BCKDHB: variants seen among roughly 807,000 people sequenced by gnomAD.
BCKDHB encodes the protein branched chain keto acid dehydrogenase E1 subunit beta.
In BCKDHB, 41 loss-of-function variants were observed where a neutral mutation model predicts 48.5. The ratio of observed to expected loss-of-function variants is 0.85; its 90% CI spans 0.66 to 1.10. BCKDHB has a LOEUF of 1.10. Ranked by LOEUF, BCKDHB falls within the 50% of genes least tolerant of loss-of-function variation. BCKDHB has a pLI of 0.00. For missense variants in BCKDHB, 496 were observed against 494.2 expected (o/e 1.00, Z -0.03); for synonymous variants, 201 against 174.8 (o/e 1.15, Z -1.18).
At chr6:80,255,370 A>G (rs896604895) in intron 8 of BCKDHB, among the ~76,000 whole-genome samples, 1 of 152,232 alleles carries the variant, frequency 6.6e-6, no homozygotes, top group Non-Finnish European at 1.5e-5. Flanking sequence ...GACTTTTCAT[A>G]ATTCATTCCT....
chr6:80,217,488 GT>G (rs766279327), intron 8 of BCKDHB, among the ~76,000 whole-genome samples: 1 of 152,104 alleles, frequency 6.6e-6, no homozygotes, highest in Non-Finnish European at 1.5e-5. Flanking sequence ...TATCATTACA[GT>G]TTTTTCTGTA....
At position 80,320,586 on chromosome 6, in the gene BCKDHB, C is replaced by T. The variant is rs192754871; in HGVS notation, c.1039-23078C>T. ...TAAGTATCCAGAGTTCACAATTCAG[C>T]GACCGTTTCCAGGGTGGAGGCCTGT... On this transcript the variant is annotated intron_variant, in intron 9 of 9. Transcript: ENST00000320393. 1.3e-4 allele frequency among the ~76,000 whole-genome samples: 20 copies of T among 152,260 alleles called. No individual in the cohort carries two copies. The East Asian group carries it at 3.1e-3, about 23-fold the overall frequency.
chr6:80,359,582 G>A, the BCKDHB span, among the ~76,000 whole-genome samples: 56 of 149,834 alleles, frequency 3.7e-4, no homozygotes, highest in African/African-American at 1.3e-3. Context: ...TAATACGCTT[G>A]TTTCTTATTG....
intron 1 of BCKDHB, among the ~76,000 whole-genome samples, chr6:80,122,835 A>G (rs1770101367): frequency 6.6e-6 from 1 of 152,076 alleles, no homozygotes; most frequent in African/African-American, 2.4e-5. Context: ...CTGACCACAA[A>G]TTTACCAGCT....
chr6:80,430,393 G>A, the BCKDHB span, among the ~76,000 whole-genome samples: 1 of 152,124 alleles, frequency 6.6e-6, no homozygotes, highest in Non-Finnish European at 1.5e-5. Context: ...GAGTTATGGA[G>A]GATTTGCTTT....
intron 9 of BCKDHB, among the ~76,000 whole-genome samples, chr6:80,287,560 C>T (rs115795070): frequency 0.014 from 2,143 of 151,724 alleles, 35 homozygotes; most frequent in African/African-American, 0.048. Context: ...AAAAATTAGG[C>T]GTGCAGACAC....
intron 8 of BCKDHB, among the ~76,000 whole-genome samples, chr6:80,245,777 T>G (rs993646882): frequency 2.0e-5 from 3 of 152,004 alleles, no homozygotes; most frequent in African/African-American, 7.2e-5. Flanking sequence ...TATTATCCAG[T>G]TAGAAATAAA....
chr6:80,373,440 T>C, the BCKDHB span, among the ~76,000 whole-genome samples: 1 of 152,242 alleles, frequency 6.6e-6, no homozygotes. Flanking sequence ...TTTGTTGTTG[T>C]TGTTTAAATT....
At chr6:80,361,403 G>A in the BCKDHB span, among the ~76,000 whole-genome samples, 1 of 152,208 alleles carries the variant, frequency 6.6e-6, no homozygotes, top group Non-Finnish European at 1.5e-5. Flanking sequence ...ATCTCTAGTA[G>A]AGTACATTTG....
At chr6:80,201,061 C>T in intron 7 of BCKDHB, 30 bp downstream of exon 7, 1 of 1,521,428 alleles carries the variant, frequency 6.6e-7, no homozygotes, top group Non-Finnish European at 9.1e-7. Context: ...ACTGTTAAAA[C>T]CTACGTTGTG....
chr6:80,343,632 C>A (rs549908232), intron 9 of BCKDHB, 32 bp from the exon 10 acceptor site: 1 of 1,612,924 alleles, frequency 6.2e-7, no homozygotes, highest in African/African-American at 1.3e-5. Flanking sequence ...AAAAAAAATT[C>A]TTGAAGTTAA....
the BCKDHB span, among the ~76,000 whole-genome samples, chr6:80,411,464 C>T: frequency 3.2e-4 from 48 of 152,322 alleles, no homozygotes; most frequent in Admixed American, 1.1e-3. Flanking sequence ...AGAGCTCAAA[C>T]GCTGTGCTGG....
chr6:80,439,145 A>G, the BCKDHB span, among the ~76,000 whole-genome samples: 2 of 152,182 alleles, frequency 1.3e-5, no homozygotes, highest in African/African-American at 2.4e-5. Context: ...CTCACATTCT[A>G]TTAACCAGAA....
chr6:80,436,689 T>C, the BCKDHB span, among the ~76,000 whole-genome samples: 1 of 152,328 alleles, frequency 6.6e-6, no homozygotes, highest in African/African-American at 2.4e-5. Context: ...GTATTACTTA[T>C]AGTGCTTTTC....
chr6:80,209,298 G>C (rs566758357), intron 8 of BCKDHB, among the ~76,000 whole-genome samples: 6 of 151,770 alleles, frequency 4.0e-5, no homozygotes, highest in Non-Finnish European at 8.8e-5. Context: ...ACTTTACACA[G>C]AAAATCACAG....
intron 8 of BCKDHB, among the ~76,000 whole-genome samples, chr6:80,243,463 G>C (rs1443289156): frequency 1.3e-5 from 2 of 152,162 alleles, no homozygotes; most frequent in African/African-American, 4.8e-5. Flanking sequence ...CTAATGTCTG[G>C]ATAAAACTAT....
chr6:80,459,116 A>T, the BCKDHB span, among the ~76,000 whole-genome samples: 1 of 152,152 alleles, frequency 6.6e-6, no homozygotes, highest in African/African-American at 2.4e-5. Context: ...GGATCCAGTG[A>T]TCTCACTTCT....
At chr6:80,176,957 G>A (rs538161556) in intron 6 of BCKDHB, among the ~76,000 whole-genome samples, 2 of 152,280 alleles carry the variant, frequency 1.3e-5, no homozygotes, top group Admixed American at 1.3e-4. Context: ...ACGTGTGGTA[G>A]CTCATGCCTG....
rs966187156 is a variant in BCKDHB at position 80,303,544 on chromosome 6, G to T, written c.1038+30323G>T. Among the ~76,000 whole-genome samples the T allele has an allele frequency of 2.0e-5, 3 of 152,020 alleles. No homozygotes were observed. The East Asian group carries it at 5.8e-4, about 29-fold the overall frequency. ...AAGCTTCTGCATAAGAGCCAGAAAG[G>T]ATACTGACACAATTGAAATTGAGCA... On this transcript the variant is annotated intron_variant, in intron 9 of 9. Coordinates refer to ENST00000320393, the MANE Select transcript of BCKDHB (RefSeq NM_183050.4).
Sources: allele counts gnomAD v4.1 joint callset (sites outside exome capture counted in the v4.1 genomes callset), GRCh38; gene constraint gnomAD v4.1.1; transcripts MANE v1.5; gene names NCBI Gene and HGNC (gene_info 2026-07-23, HGNC 2026-07-21).